Variants in RNF180 observed in about 807,000 individuals in gnomAD.
The protein encoded by RNF180 is E3 ubiquitin-protein ligase RNF180.
Under a neutral mutation model 59.2 loss-of-function variants are expected in RNF180, and 38 were observed. That is an observed-to-expected ratio of 0.64 (90% CI 0.50 to 0.84). RNF180 has a LOEUF of 0.84. Among genes scored for constraint, RNF180 ranks in the 40% least tolerant of loss-of-function variants. The probability of loss-of-function intolerance (pLI) is 0.00; values close to 1 mark genes in which losing one functional copy is unlikely to be tolerated. For synonymous variants in RNF180, 262 were observed against 240.3 expected, an observed-to-expected ratio of 1.09 and a Z score of -0.84; for missense variants, 705 against 700.9, an observed-to-expected ratio of 1.01 and a Z score of -0.07.
intron 7 of RNF180, among the ~76,000 whole-genome samples, chr5:64,341,524 G>A (rs1745355402): frequency 6.6e-6 from 1 of 152,158 alleles, no homozygotes; most frequent in Admixed American, 6.5e-5. Flanking sequence ...TTGGGGCCAT[G>A]GGCAATGTAT....
chr5:64,263,263 A>T (rs1366628448), intron 5 of RNF180, among the ~76,000 whole-genome samples: 7 of 152,226 alleles, frequency 4.6e-5, no homozygotes. Context: ...CAATTAAAAC[A>T]GCAGTGTGCT....
chr5:64,367,923 G>T (rs868453641), intron 7 of RNF180, among the ~76,000 whole-genome samples: 1 of 151,796 alleles, frequency 6.6e-6, no homozygotes, highest in African/African-American at 2.4e-5. Context: ...TCAGTCTTCA[G>T]AGAATTGAAT....
chr5:64,337,581 G>A (rs1745184324), intron 7 of RNF180, among the ~76,000 whole-genome samples: 1 of 151,934 alleles, frequency 6.6e-6, no homozygotes, highest in Non-Finnish European at 1.5e-5. Context: ...AAGTATACAT[G>A]TGCCGTGCTG....
chr5:64,284,936 T>C (rs570788693), intron 5 of RNF180, among the ~76,000 whole-genome samples: 1 of 152,364 alleles, frequency 6.6e-6, no homozygotes, highest in East Asian at 1.9e-4. Flanking sequence ...TGTTTCTTTC[T>C]CATCTGTGTG....
intron 7 of RNF180, among the ~76,000 whole-genome samples, chr5:64,345,629 G>A (rs1745523202): frequency 6.6e-6 from 1 of 152,118 alleles, no homozygotes; most frequent in Admixed American, 6.6e-5. Context: ...TGAAAGCTAG[G>A]ATTTATCTTT....
chr5:64,216,792 C>T (rs1440710785), intron 4 of RNF180, among the ~76,000 whole-genome samples: 1 of 152,164 alleles, frequency 6.6e-6, no homozygotes, highest in African/African-American at 2.4e-5. Flanking sequence ...CCACATTTAA[C>T]CAGCAAACCT....
rs367689363 is a variant in RNF180, at chr5:64,213,667, A to C, written c.341A>C (p.His114Pro). The C allele has an allele frequency of 1.2e-6, 2 of 1,614,136 alleles. No individual in the cohort carries two copies. Among genetic ancestry groups the C allele is most frequent in the South Asian group, 1.1e-5 (1 of 91,076 alleles). ...TCCTGTGGCCAGCTTGCAGCTGTAC[A>C]TCTCTCCAAGAGCCGGACTGATTAT... ...KCSCGQLAAV[H>P]LSKSRTDYQP... Residue 114 changes from histidine to proline, a missense_variant, in exon 4 of 8, where the codon CAT (histidine) becomes CCT (proline). Transcript: ENST00000389100.
chr5:64,176,509 C>G (rs1295527573), intron 1 of RNF180, among the ~76,000 whole-genome samples: 1 of 152,066 alleles, frequency 6.6e-6, no homozygotes, highest in Non-Finnish European at 1.5e-5. Flanking sequence ...GATGACATCA[C>G]TATTAACAAG....
At chr5:64,335,770 T>C (rs1489394840) in intron 7 of RNF180, among the ~76,000 whole-genome samples, 1 of 152,146 alleles carries the variant, frequency 6.6e-6, no homozygotes, top group African/African-American at 2.4e-5. Context: ...TCCATATAAA[T>C]TTTTAAATCA....
intron 5 of RNF180, among the ~76,000 whole-genome samples, chr5:64,282,804 T>G (rs1742077872): frequency 6.6e-6 from 1 of 152,236 alleles, no homozygotes; most frequent in Admixed American, 6.5e-5. Context: ...AATTTGCATG[T>G]GACTATATGC....
At chr5:64,177,220 G>T (rs1750284823) in intron 1 of RNF180, among the ~76,000 whole-genome samples, 1 of 152,012 alleles carries the variant, frequency 6.6e-6, no homozygotes, top group South Asian at 2.1e-4. Context: ...TATACTTACT[G>T]CTAGCCAAAC....
chr5:64,360,410 C>A (rs185432740), intron 7 of RNF180, among the ~76,000 whole-genome samples: 31 of 151,682 alleles, frequency 2.0e-4, no homozygotes, highest in Admixed American at 4.6e-4. Flanking sequence ...TGATGTAACA[C>A]AATACTAAGA....
At chr5:64,165,705 G>C (rs958655547), upstream of RNF180, 3 of 152,132 alleles carry the variant, frequency 2.0e-5, no homozygotes, top group Non-Finnish European at 2.9e-5. Flanking sequence ...GTGGGAACCC[G>C]CAGACGTGGG....
intron 5 of RNF180, among the ~76,000 whole-genome samples, chr5:64,272,553 T>G (rs1397056416): frequency 6.6e-6 from 1 of 152,018 alleles, no homozygotes; most frequent in Non-Finnish European, 1.5e-5. Flanking sequence ...TTGAAGGTTT[T>G]TAAACTATGG....
At chr5:64,339,760 C>T (rs1336369599) in intron 7 of RNF180, among the ~76,000 whole-genome samples, 1 of 151,910 alleles carries the variant, frequency 6.6e-6, no homozygotes, top group East Asian at 1.9e-4. Context: ...GCCAAAGAAG[C>T]TTGTATAAAA....
chr5:64,342,685 T>C (rs558519422), intron 7 of RNF180, among the ~76,000 whole-genome samples: 1 of 152,234 alleles, frequency 6.6e-6, no homozygotes, highest in African/African-American at 2.4e-5. Context: ...CCACAACCTC[T>C]GAAAAGCACA....
In RNF180 at chr5:64,266,482, T is replaced by C. The variant is rs55944415; in HGVS notation, c.1227+49086T>C. On this transcript the variant is annotated intron_variant, in intron 5 of 7. Coordinates refer to ENST00000389100, the MANE Select transcript of RNF180 (RefSeq NM_001113561.2). Reference sequence around the variant, plus strand: ...CTTGTATGTAATTGAATGGAAAAATTGTTGCTAAGGGAATGACCCCAGAAT... The same window carrying C: ...CTTGTATGTAATTGAATGGAAAAATCGTTGCTAAGGGAATGACCCCAGAAT... Among the ~76,000 whole-genome samples, 344 of 152,228 alleles carry C rather than the reference T, an allele frequency of 2.3e-3. 4 individuals are homozygous for C. The highest frequency in any genetic ancestry group is 0.01 in the Middle Eastern group (3 of 294).
chr5:64,258,588 T>C (rs1028118528), intron 5 of RNF180, among the ~76,000 whole-genome samples: 5 of 151,968 alleles, frequency 3.3e-5, no homozygotes, highest in Non-Finnish European at 5.9e-5. Flanking sequence ...AAAGGAACAG[T>C]TTTGGGAGGG....
chr5:64,177,148 T>A (rs999126496), intron 1 of RNF180, among the ~76,000 whole-genome samples: 1 of 152,220 alleles, frequency 6.6e-6, no homozygotes, highest in Non-Finnish European at 1.5e-5. Context: ...TACACGTGTC[T>A]GACTTAGAAC....
Sources: gnomAD v4.1 joint callset for allele counts (sites outside exome capture counted in the v4.1 genomes callset) on GRCh38, gnomAD v4.1.1 for gene constraint, MANE v1.5 for transcripts, NCBI Gene and HGNC (gene_info 2026-07-23, HGNC 2026-07-21) for gene names.